The following ATP2B2 variants were observed in gnomAD, a reference collection of about 807,000 sequenced individuals.
ATP2B2 encodes ATPase plasma membrane Ca2+ transporting 2.
Under a neutral mutation model 120.0 loss-of-function variants are expected in ATP2B2, and 15 were observed. The ratio of observed to expected loss-of-function variants is 0.12; its 90% confidence interval spans 0.08 to 0.19. The LOEUF is 0.19. Ranked by LOEUF, ATP2B2 falls within the 10% of genes least tolerant of loss-of-function variation. The probability of loss-of-function intolerance (pLI) is 1.00; values close to 1 mark genes in which losing one functional copy is unlikely to be tolerated. For synonymous variants in ATP2B2, 694 were observed against 700.3 expected (o/e 0.99, Z 0.14); for missense variants, 1,045 against 1,719.8 (o/e 0.61, Z 6.94).
chr3:10,379,146 C>T, intron 9 of ATP2B2, 97 bp downstream of exon 9: 1 of 1,419,048 alleles, frequency 7.0e-7, no homozygotes, highest in Non-Finnish European at 9.8e-7. Flanking sequence ...ATGTGTCTGC[C>T]TCTGGCCCTT....
chr3:10,602,119 G>A (rs1041325796), intron 2 of ATP2B2, among the ~76,000 whole-genome samples: 4 of 151,874 alleles, frequency 2.6e-5, no homozygotes, highest in African/African-American at 4.8e-5. Context: ...AAGCCCCCTC[G>A]GAGCCCCCTC....
At chr3:10,537,001 A>G (rs2067332114) in intron 2 of ATP2B2, among the ~76,000 whole-genome samples, 1 of 152,212 alleles carries the variant, frequency 6.6e-6, no homozygotes, top group African/African-American at 2.4e-5. Flanking sequence ...AAAGGTTATC[A>G]TCTTTACTCC....
rs1035963505 is a variant in ATP2B2 at position 10,400,849 on chromosome 3, C to T, written c.781+104G>A. On this transcript the variant is annotated intron_variant, in intron 5 of 22. Transcript: ENST00000360273. ...GCTGAGCTGGCTGGAGATACCAGAGCCAAGGATCAAAGTCTCTGAGTCCCT... is the reference window on the plus strand; with the variant it reads ...GCTGAGCTGGCTGGAGATACCAGAGTCAAGGATCAAAGTCTCTGAGTCCCT... The T allele has an allele frequency of 1.9e-6, 3 of 1,553,198 alleles. No individual in the cohort carries two copies. In the Admixed American group the frequency reaches 5.1e-5, roughly 26 times the overall value.
chr3:10,561,226 C>T (rs908136742), intron 2 of ATP2B2, among the ~76,000 whole-genome samples: 13 of 152,306 alleles, frequency 8.5e-5, no homozygotes, highest in African/African-American at 3.1e-4. Context: ...ACCCTCAGAA[C>T]CTAACACTGC....
chr3:10,391,028 G>A (rs959790916), intron 5 of ATP2B2, among the ~76,000 whole-genome samples: 10 of 152,134 alleles, frequency 6.6e-5, no homozygotes, highest in African/African-American at 1.4e-4. Flanking sequence ...GTCTCATGGC[G>A]GGTATCACTG....
chr3:10,586,750 A>G (rs2068519713), intron 2 of ATP2B2, among the ~76,000 whole-genome samples: 1 of 152,206 alleles, frequency 6.6e-6, no homozygotes, highest in South Asian at 2.1e-4. Context: ...GCATTTCCAA[A>G]GCAAGAACTC....
chr3:10,550,900 C>A (rs889019561), intron 2 of ATP2B2, among the ~76,000 whole-genome samples: 4 of 152,174 alleles, frequency 2.6e-5, no homozygotes, highest in African/African-American at 9.6e-5. Context: ...GCAAAGTAAA[C>A]CCTCCAATCA....
At chr3:10,480,359 T>C (rs2065363482) in intron 1 of ATP2B2, among the ~76,000 whole-genome samples, 2 of 152,154 alleles carry the variant, frequency 1.3e-5, no homozygotes, top group Non-Finnish European at 2.9e-5. Flanking sequence ...ATAAATGACC[T>C]TGACCTTGAT....
intron 2 of ATP2B2, among the ~76,000 whole-genome samples, chr3:10,611,188 T>TG (rs1479306986): frequency 3.3e-5 from 5 of 152,200 alleles, no homozygotes; most frequent in Non-Finnish European, 1.5e-5. Context: ...CTCCTGGTTT[T>TG]GGGGGGACAT....
At chr3:10,368,433 C>CCACCCATT (rs771511286) in intron 12 of ATP2B2, among the ~76,000 whole-genome samples, 14 of 152,252 alleles carry the variant, frequency 9.2e-5, no homozygotes, top group Non-Finnish European at 1.8e-4. Flanking sequence ...AGTCACCCAT[C>CCACCCATT]CACCCATTCA....
At chr3:10,438,623 G>A (rs1325866420) in intron 2 of ATP2B2, among the ~76,000 whole-genome samples, 1 of 152,214 alleles carries the variant, frequency 6.6e-6, no homozygotes, top group Non-Finnish European at 1.5e-5. Flanking sequence ...ACCACAGCAG[G>A]GGCCTGGATT....
At chr3:10,388,197 T>C in intron 6 of ATP2B2, 80 bp downstream of exon 6, 2 of 1,598,956 alleles carry the variant, frequency 1.3e-6, no homozygotes, top group South Asian at 1.1e-5. Flanking sequence ...CAATAACTAT[T>C]TTGTTGAGTG....
At chr3:10,536,800 T>C (rs942156600) in intron 2 of ATP2B2, among the ~76,000 whole-genome samples, 7 of 152,342 alleles carry the variant, frequency 4.6e-5, no homozygotes, top group African/African-American at 1.4e-4. Flanking sequence ...AGTGTTGGGA[T>C]TACAGGCCTG....
Position 10,350,483 on chromosome 3 carries a change from T to C in ATP2B2, c.2231A>G (p.Lys744Arg). The change falls in exon 15 of 23, where the codon AAG becomes AGG. Residue 744 changes from lysine to arginine, a missense_variant. By Grantham distance (26) the Lys-to-Arg change is conservative. Around this residue, in one of 11 missense-constraint regions of ATP2B2, gnomAD observed 343 missense variants for 536.8 expected, o/e 0.64. Transcript: ENST00000360273. ...CTCCCCAGGATGGATGATGCCACAC[T>C]TGATGGCGATGGCCCGAGCCGTGTT... ...NINTARAIAI[K>R]CGIIHPGEDF... The C allele has an allele frequency of 2.5e-6, 4 of 1,614,234 alleles. No individual in the cohort carries two copies. The highest frequency in any genetic ancestry group is 2.5e-6 in the Non-Finnish European group (3 of 1,180,022).
At chr3:10,507,934 A>T (rs2066679697), upstream of ATP2B2, among the ~76,000 whole-genome samples, 1 of 116,848 alleles carries the variant, frequency 8.6e-6, no homozygotes, top group South Asian at 2.7e-4. Context: ...CTGCATGCGC[A>T]GGCCATCATG....
chr3:10,569,048 G>T (rs1019447721), intron 2 of ATP2B2, among the ~76,000 whole-genome samples: 1 of 152,342 alleles, frequency 6.6e-6, no homozygotes. Flanking sequence ...ACCCTGGGAC[G>T]TGGTATCGCT....
chr3:10,505,426 A>AT (rs1422747604), intron 1 of ATP2B2, 39 bp downstream of exon 1: 1 of 151,054 alleles, frequency 6.6e-6, no homozygotes, highest in East Asian at 2.0e-4. Flanking sequence ...GGCGCTTTTT[A>AT]TTTTTTATTT....
chr3:10,430,064 T>C (rs2063269484), intron 2 of ATP2B2, among the ~76,000 whole-genome samples: 1 of 152,236 alleles, frequency 6.6e-6, no homozygotes, highest in African/African-American at 2.4e-5. Context: ...AAGCCATTTC[T>C]GTAGCATGAA....
At chr3:10,426,136 C>A (rs2063138492) in intron 2 of ATP2B2, among the ~76,000 whole-genome samples, 1 of 152,158 alleles carries the variant, frequency 6.6e-6, no homozygotes, top group Non-Finnish European at 1.5e-5. Flanking sequence ...CTTCCCCCTG[C>A]CTCTGTACCT....
Sources: gnomAD v4.1 joint callset for allele counts (sites outside exome capture counted in the v4.1 genomes callset) on GRCh38, gnomAD v4.1.1 for gene constraint, gnomAD v4.1.1 regional missense constraint, MANE v1.5 for transcripts, NCBI Gene and HGNC (gene_info 2026-07-23, HGNC 2026-07-21) for gene names.